Variants in MME observed in about 807,000 individuals in gnomAD.
MME encodes the protein neprilysin.
MME carries 98 observed loss-of-function variants against 113.2 expected under a neutral mutation model. The observed-to-expected ratio is 0.87, with a 90% CI of 0.74 to 1.02. The LOEUF is 1.02. MME is among the 50% of genes least tolerant of loss of function. The probability of loss-of-function intolerance (pLI) is 0.00; values close to 1 mark genes in which losing one functional copy is unlikely to be tolerated. For synonymous variants in MME, 292 were observed against 300.6 expected (o/e 0.97, Z 0.30); for missense variants, 836 against 896.0 (o/e 0.93, Z 0.86).
rs1491398957 is a variant in MME, at chr3:155,063,322, AAT to A, written c.-10-20828_-10-20827del. 1.6e-3 allele frequency among the ~76,000 whole-genome samples: 173 copies of A among 108,944 alleles called. 1 individual carries two copies. Among genetic ancestry groups the A allele is most frequent in the African/African-American group, 5.6e-3 (149 of 26,756 alleles). The allele number at this position is 108,944 out of a possible 152,430, so 71.5% of individuals were successfully genotyped here. ...TATAAAGATATAATATATCATTTAT[AAT>A]ATATATAAATATATAATTATATAAT... is the stretch of plus-strand genomic sequence containing the variant. On this transcript the variant is annotated intron_variant, in intron 1 of 22. Transcript: ENST00000492661.
At chr3:155,109,806 A>T (rs1718034381) in intron 3 of MME, among the ~76,000 whole-genome samples, 1 of 152,222 alleles carries the variant, frequency 6.6e-6, no homozygotes, top group Non-Finnish European at 1.5e-5. Context: ...GTTGACAAGT[A>T]CTGTCCTAAA....
intron 3 of MME, among the ~76,000 whole-genome samples, chr3:155,107,935 G>A (rs967047183): frequency 1.3e-5 from 2 of 152,196 alleles, no homozygotes; most frequent in Non-Finnish European, 2.9e-5. Flanking sequence ...AGAAGGCTGT[G>A]ATATGCCTTA....
Position 155,142,134 on chromosome 3 carries a change from A to C in MME, c.1094+7A>C, listed in dbSNP as rs1270720557. The C allele has an allele frequency of 6.2e-7, 1 of 1,613,828 alleles. No individual in the cohort carries two copies. Among genetic ancestry groups the C allele is most frequent in the East Asian group, 2.2e-5 (1 of 44,874 alleles). On this transcript the variant is annotated splice_region_variant and intron_variant, in intron 11 of 22. Transcript: ENST00000360490. The stretch of plus-strand genomic sequence containing the variant: ...TTACCAAATATTCTGCCAGGTAGGT[A>C]TGTCACAGTCCCCATGTCCTCAAAG...
At chr3:155,069,436 C>CA (rs1442040679) in intron 1 of MME, among the ~76,000 whole-genome samples, 1 of 152,126 alleles carries the variant, frequency 6.6e-6, no homozygotes, top group Non-Finnish European at 1.5e-5. Flanking sequence ...CGTGGCAACT[C>CA]AGAGTTGAGA....
chr3:155,125,405 A>C (rs553991360), intron 8 of MME, among the ~76,000 whole-genome samples: 3 of 138,668 alleles, frequency 2.2e-5, no homozygotes, highest in Non-Finnish European at 4.6e-5. Context: ...GGAGCTGTAG[A>C]CTGGAGCTGT....
chr3:155,128,600 A>C (rs1267338106), intron 8 of MME, among the ~76,000 whole-genome samples: 4 of 149,958 alleles, frequency 2.7e-5, no homozygotes, highest in South Asian at 2.1e-4. Flanking sequence ...CTTGCCCCCC[A>C]CACACACCAC....
chr3:155,044,425 A>G (rs146008771), intron 1 of MME, among the ~76,000 whole-genome samples: 571 of 152,024 alleles, frequency 3.8e-3, no homozygotes, highest in Admixed American at 4.8e-3. Context: ...GTGAGCCACC[A>G]CACTCAGCTT....
chr3:155,056,664 A>C (rs1713940241), intron 1 of MME, among the ~76,000 whole-genome samples: 1 of 152,022 alleles, frequency 6.6e-6, no homozygotes, highest in Non-Finnish European at 1.5e-5. Flanking sequence ...TTATAGCAGC[A>C]TGATTTATAG....
chr3:155,053,400 A>G lies in MME; in HGVS notation c.-11+29076A>G, dbSNP rs79985105. Among the ~76,000 whole-genome samples the G allele has an allele frequency of 3.9e-3, 601 of 152,346 alleles. 4 individuals are homozygous for G. In the East Asian group the frequency reaches 0.058, roughly 15 times the overall value. ...TCAGGAAACTTACAATCATGGCAGA[A>G]GATGAAACAGGCACGTCTTCCATGG... On this transcript the variant is annotated intron_variant, in intron 1 of 22. Transcript: ENST00000492661.
chr3:155,115,873 T>C (rs1024075919), intron 4 of MME, among the ~76,000 whole-genome samples: 2 of 152,252 alleles, frequency 1.3e-5, no homozygotes, highest in African/African-American at 4.8e-5. Context: ...AGGTATATTC[T>C]AACCTGGCTA....
chr3:155,139,249 A>G (rs1206953474), intron 9 of MME, among the ~76,000 whole-genome samples: 1 of 152,120 alleles, frequency 6.6e-6, no homozygotes, highest in Non-Finnish European at 1.5e-5. Context: ...TTTGACCAGC[A>G]TCAGCTCTGT....
chr3:155,108,610 A>C (rs1191695589), intron 3 of MME, among the ~76,000 whole-genome samples: 4 of 151,926 alleles, frequency 2.6e-5, no homozygotes, highest in South Asian at 2.1e-4. Context: ...AAAAAAAAAA[A>C]CAAATTAAAC....
intron 1 of MME, among the ~76,000 whole-genome samples, chr3:155,038,040 C>T (rs934573801): frequency 3.3e-5 from 5 of 152,054 alleles, no homozygotes; most frequent in East Asian, 1.9e-4. Context: ...ATGATGTAAA[C>T]GTTGGAGACA....
At chr3:155,081,294 C>T (rs1715121473) in intron 1 of MME, 2 of 152,192 alleles carry the variant, frequency 1.3e-5, no homozygotes, top group Non-Finnish European at 2.9e-5. Flanking sequence ...TTTAACAAAT[C>T]AGTTATCCAG....
At chr3:155,054,738 AC>A (rs1214018384) in intron 1 of MME, among the ~76,000 whole-genome samples, 1 of 152,116 alleles carries the variant, frequency 6.6e-6, no homozygotes, top group Non-Finnish European at 1.5e-5. Flanking sequence ...AATTGCTTGA[AC>A]CCAGGAGGCG....
chr3:155,148,522 T>A (rs746585558), intron 15 of MME, 28 bp from the exon 16 acceptor site: 18 of 1,484,822 alleles, frequency 1.2e-5, no homozygotes, highest in Non-Finnish European at 1.6e-5. Context: ...GTTTTAATAT[T>A]TCTTCCCAAA....
intron 8 of MME, among the ~76,000 whole-genome samples, chr3:155,130,316 T>A (rs1720037662): frequency 6.6e-6 from 1 of 152,092 alleles, no homozygotes; most frequent in South Asian, 2.1e-4. Context: ...CATTTATACA[T>A]CCACAAAACA....
At chr3:155,079,586 C>T (rs1468584077), upstream of MME, 2 of 143,660 alleles carry the variant, frequency 1.4e-5, no homozygotes, top group Non-Finnish European at 3.0e-5. Flanking sequence ...ACCCAGGGAA[C>T]TGCTCCTCTC....
chr3:155,088,953 A>G (rs973494684), intron 3 of MME, among the ~76,000 whole-genome samples: 1 of 152,202 alleles, frequency 6.6e-6, no homozygotes. Context: ...CAAGGAATAC[A>G]GAAGTCAAGC....
Sources: allele counts gnomAD v4.1 joint callset (sites outside exome capture counted in the v4.1 genomes callset), GRCh38; gene constraint gnomAD v4.1.1; transcripts MANE v1.5; gene names NCBI Gene and HGNC (gene_info 2026-07-23, HGNC 2026-07-21).